Variants in ZNF804A observed in about 807,000 individuals in gnomAD.
The protein encoded by ZNF804A is zinc finger protein 804A.
In ZNF804A, 2 loss-of-function variants were observed where a neutral mutation model predicts 16.5. The observed-to-expected ratio is 0.12, with a 90% CI of 0.05 to 0.38. The LOEUF is 0.38. ZNF804A is among the 10% of genes least tolerant of loss of function. ZNF804A has a pLI of 0.99. For missense variants in ZNF804A, 1,473 were observed against 1,390.7 expected (o/e 1.06, Z -0.94); for synonymous variants, 534 against 489.6 (o/e 1.09, Z -1.20).
chr2:184,798,055 A>G (rs1478558828), intron 1 of ZNF804A, among the ~76,000 whole-genome samples: 2 of 106,314 alleles, frequency 1.9e-5, no homozygotes, highest in African/African-American at 3.7e-5. Context: ...TGTGTGTGTG[A>G]AGATAGGGCC....
At chr2:184,716,463 G>A (rs1348970502) in intron 1 of ZNF804A, among the ~76,000 whole-genome samples, 1 of 151,892 alleles carries the variant, frequency 6.6e-6, no homozygotes, top group African/African-American at 2.4e-5. Context: ...TTGGCGAAAA[G>A]GCACATAATA....
At chr2:184,887,043 T>C (rs371837360) in intron 2 of ZNF804A, among the ~76,000 whole-genome samples, 24 of 152,184 alleles carry the variant, frequency 1.6e-4, no homozygotes, top group East Asian at 7.7e-4. Flanking sequence ...TTTCCAAACT[T>C]ATATTCTCTG....
intron 1 of ZNF804A, among the ~76,000 whole-genome samples, chr2:184,606,786 C>T (rs533704534): frequency 4.1e-4 from 63 of 152,058 alleles, no homozygotes; most frequent in Non-Finnish European, 7.4e-4. Context: ...TTTACCAGCT[C>T]CTGCAATCAC....
chr2:184,865,679 G>T (rs2105810926), intron 1 of ZNF804A, among the ~76,000 whole-genome samples: 1 of 152,124 alleles, frequency 6.6e-6, no homozygotes, highest in African/African-American at 2.4e-5. Context: ...CTTCTCAGGG[G>T]TTTGGTTATA....
intron 1 of ZNF804A, among the ~76,000 whole-genome samples, chr2:184,781,649 GACTCC>G (rs1694372994): frequency 6.6e-6 from 1 of 151,658 alleles, no homozygotes; most frequent in African/African-American, 2.4e-5. Context: ...TTCTGTTATT[GACTCC>G]ACTTGCCTTA....
intron 1 of ZNF804A, among the ~76,000 whole-genome samples, chr2:184,804,817 A>C (rs1229907617): frequency 6.6e-6 from 1 of 152,204 alleles, no homozygotes; most frequent in Non-Finnish European, 1.5e-5. Flanking sequence ...TTATACAGCA[A>C]CAGGAAGAAG....
intron 1 of ZNF804A, among the ~76,000 whole-genome samples, chr2:184,691,339 G>C (rs1283354122): frequency 6.6e-6 from 1 of 151,806 alleles, no homozygotes; most frequent in Non-Finnish European, 1.5e-5. Context: ...ACCAATTCTA[G>C]AATAAGTTGA....
At chr2:184,702,724 G>A (rs6730122) in intron 1 of ZNF804A, among the ~76,000 whole-genome samples, 34,264 of 151,982 alleles carry the variant, frequency 0.23, 5,463 homozygotes, top group African/African-American at 0.45. Context: ...ACTGAATGGA[G>A]AAATTCAGGG....
At chr2:184,816,922 T>G (rs983451016) in intron 1 of ZNF804A, among the ~76,000 whole-genome samples, 5 of 152,002 alleles carry the variant, frequency 3.3e-5, no homozygotes, top group African/African-American at 1.2e-4. Context: ...GTGTAAAATT[T>G]TAAATGAAGT....
At chr2:184,674,568 C>T (rs1031937634) in intron 1 of ZNF804A, among the ~76,000 whole-genome samples, 1 of 150,784 alleles carries the variant, frequency 6.6e-6, no homozygotes, top group Non-Finnish European at 1.5e-5. Context: ...TTTATTGATA[C>T]CTAGGAATAA....
chr2:184,751,216 T>C (rs183393216), intron 1 of ZNF804A, among the ~76,000 whole-genome samples: 1 of 151,508 alleles, frequency 6.6e-6, no homozygotes, highest in African/African-American at 2.4e-5. Flanking sequence ...CTGGTTCATA[T>C]GGTTGTTCTA....
At chr2:184,914,660 A>G (rs548397989) in intron 2 of ZNF804A, among the ~76,000 whole-genome samples, 14 of 152,256 alleles carry the variant, frequency 9.2e-5, no homozygotes, top group Admixed American at 9.2e-4. Context: ...AACTGTTACA[A>G]TTAATTTAGT....
chr2:184,936,164 T>C lies in ZNF804A; in HGVS notation c.768T>C (p.Ala256=), dbSNP rs764519366. ...FSRKSRFVPS[A]CHLQQSSPTD... ...GAAAAAGTAGATTTGTCCCCAGTGC[T>C]TGTCATCTTCAACAATCTTCACCAA... Residue 256 remains alanine, a synonymous_variant, in exon 4 of 4, where the codon GCT becomes GCC. Transcript: ENST00000302277. 9 of 1,613,956 alleles carry C rather than the reference T, an allele frequency of 5.6e-6. No individual in the cohort carries two copies. The East Asian group carries it at 1.8e-4, about 32-fold the overall frequency.
At chr2:184,918,496 T>A (rs1386297414) in intron 2 of ZNF804A, among the ~76,000 whole-genome samples, 1 of 152,142 alleles carries the variant, frequency 6.6e-6, no homozygotes, top group Non-Finnish European at 1.5e-5. Context: ...GAAAACATCA[T>A]CATATATTGG....
intron 2 of ZNF804A, among the ~76,000 whole-genome samples, chr2:184,921,688 T>C (rs1437695137): frequency 6.6e-6 from 1 of 152,156 alleles, no homozygotes; most frequent in African/African-American, 2.4e-5. Context: ...TCTGCTATAG[T>C]CACCTTTTTG....
At chr2:184,817,267 T>A (rs1694997656) in intron 1 of ZNF804A, among the ~76,000 whole-genome samples, 1 of 151,714 alleles carries the variant, frequency 6.6e-6, no homozygotes, top group South Asian at 2.1e-4. Flanking sequence ...ACAAAGCCAC[T>A]AGGGTCTGGA....
chr2:184,654,420 C>G (rs1299662886), intron 1 of ZNF804A, among the ~76,000 whole-genome samples: 4 of 152,138 alleles, frequency 2.6e-5, no homozygotes, highest in Non-Finnish European at 5.9e-5. Flanking sequence ...TGAATACATC[C>G]TGACCATATT....
chr2:184,924,724 T>C (rs1403672173), intron 2 of ZNF804A, among the ~76,000 whole-genome samples: 1 of 151,892 alleles, frequency 6.6e-6, no homozygotes, highest in African/African-American at 2.4e-5. Context: ...TCCCATAGAT[T>C]TTTGTATGTT....
intron 2 of ZNF804A, among the ~76,000 whole-genome samples, chr2:184,907,373 T>G (rs1357350900): frequency 6.6e-6 from 1 of 152,206 alleles, no homozygotes; most frequent in Non-Finnish European, 1.5e-5. Flanking sequence ...AAAGATTGTT[T>G]TCTTCTTGTT....
Sources: gnomAD v4.1 joint callset for allele counts (sites outside exome capture counted in the v4.1 genomes callset) on GRCh38, gnomAD v4.1.1 for gene constraint, MANE v1.5 for transcripts, NCBI Gene and HGNC (gene_info 2026-07-23, HGNC 2026-07-21) for gene names.